Variants in RMND1 observed in about 807,000 individuals in gnomAD.
RMND1 encodes the protein required for meiotic nuclear division protein 1 homolog.
A neutral mutation model predicts 54.0 loss-of-function variants in RMND1; 41 were observed. That is an observed-to-expected ratio of 0.76 (90% CI 0.59 to 0.98). The LOEUF is 0.98. RMND1 is among the 50% of genes least tolerant of loss of function. The pLI is 0.00. For synonymous variants in RMND1, 183 were observed against 181.7 expected (o/e 1.01, Z -0.06); for missense variants, 457 against 532.0 (o/e 0.86, Z 1.39).
At chr6:151,433,292 C>A in intron 3 of RMND1, 62 bp from the exon 4 acceptor site, 1 of 1,003,602 alleles carries the variant, frequency 1.0e-6, no homozygotes, top group East Asian at 2.4e-5. Flanking sequence ...GTAAGAGTCA[C>A]CTATAAACAC....
intron 10 of RMND1, chr6:151,413,713 T>C (rs1388847166): frequency 1.3e-5 from 2 of 152,264 alleles, no homozygotes; most frequent in African/African-American, 2.4e-5. Context: ...GTGCTTTTCA[T>C]GTTTGACCAG....
intron 1 of RMND1, among the ~76,000 whole-genome samples, chr6:151,447,255 A>G (rs1393590670): frequency 1.3e-5 from 2 of 152,118 alleles, no homozygotes; most frequent in Admixed American, 1.3e-4. Context: ...AGTCATCCTA[A>G]AAAGTTTCTA....
chr6:151,405,266 A>G lies in RMND1; in HGVS notation c.1319T>C (p.Val440Ala). 1 of 1,612,474 alleles carries G rather than the reference A, an allele frequency of 6.2e-7. No homozygotes were observed. Among genetic ancestry groups the G allele is most frequent in the Non-Finnish European group, 8.5e-7 (1 of 1,178,622 alleles). ...WMIVILITIEVMFELGRVFF is the reference protein window; with the variant it reads ...WMIVILITIEAMFELGRVFF ...AAATACTCGTCCCAGCTCAAACATT[A>G]CCTTAGAATAGAAAGTGAGAATTAT... Residue 440 changes from valine to alanine, a missense_variant and splice_region_variant, in exon 12 of 12, where the codon GTA becomes GCA. Val to Ala is a moderately conservative substitution (Grantham distance 64). Coordinates refer to ENST00000444024, the MANE Select transcript of RMND1 (RefSeq NM_017909.4).
chr6:151,406,181 C>T (rs1326424300), intron 10 of RMND1, among the ~76,000 whole-genome samples: 2 of 152,160 alleles, frequency 1.3e-5, no homozygotes, highest in South Asian at 4.1e-4. Flanking sequence ...AGATAATTTA[C>T]TTTCTACTAG....
At position 151,423,607 on chromosome 6, in the gene RMND1, C is replaced by T. The variant is rs576420475; in HGVS notation, c.855G>A (p.Gly285=). ...CCAGCTCTGAATTTAACTTGATTTC[C>T]CCCCTGTGAAGTTTTGACTGTCCCC... ...KIEGQSKLHR[G]EIKLNSELDL... is the part of the protein sequence containing the mutation. The change falls in exon 7 of 12, where the codon GGG becomes GGA. Residue 285 remains glycine, a synonymous_variant. Transcript: ENST00000444024. 1 of 1,613,550 alleles carries T rather than the reference C, an allele frequency of 6.2e-7. No homozygotes were observed. The highest frequency in any genetic ancestry group is 8.5e-7 in the Non-Finnish European group (1 of 1,179,704).
chr6:151,442,041 T>C (rs1414925219), intron 2 of RMND1, among the ~76,000 whole-genome samples: 1 of 152,120 alleles, frequency 6.6e-6, no homozygotes, highest in African/African-American at 2.4e-5. Context: ...GTCTGGAGAA[T>C]TGGAGAACTG....
At chr6:151,408,970 C>A (rs1779717822) in intron 10 of RMND1, 1 of 152,288 alleles carries the variant, frequency 6.6e-6, no homozygotes, top group Non-Finnish European at 1.5e-5. Flanking sequence ...GCTAGAATAT[C>A]TGAACTTCAT....
intron 10 of RMND1, chr6:151,414,071 T>G (rs889096230): frequency 1.3e-5 from 2 of 152,172 alleles, no homozygotes; most frequent in Non-Finnish European, 2.9e-5. Flanking sequence ...TCATGTATTT[T>G]TTATTTTTAT....
At chr6:151,450,790 T>G (rs576850312) in intron 1 of RMND1, among the ~76,000 whole-genome samples, 13 of 152,144 alleles carry the variant, frequency 8.5e-5, no homozygotes, top group East Asian at 3.9e-4. Flanking sequence ...GATTGAGAAA[T>G]CGGATGGTTG....
At chr6:151,442,883 C>G (rs200689296) in intron 2 of RMND1, among the ~76,000 whole-genome samples, 1 of 152,028 alleles carries the variant, frequency 6.6e-6, no homozygotes, top group South Asian at 2.1e-4. Flanking sequence ...GGTTGAGTAT[C>G]TCAGATTATG....
intron 11 of RMND1, 63 bp from the exon 12 acceptor site, chr6:151,405,330 T>C: frequency 7.0e-7 from 1 of 1,430,834 alleles, no homozygotes; most frequent in Non-Finnish European, 9.8e-7. Flanking sequence ...CTAAAATGAC[T>C]TCCAAGATTG....
intron 7 of RMND1, 35 bp downstream of exon 7, chr6:151,423,490 T>C (rs988538203): frequency 6.0e-6 from 8 of 1,328,916 alleles, no homozygotes; most frequent in Non-Finnish European, 8.7e-6. Flanking sequence ...AAATGACAAC[T>C]GTAGTACCCT....
At chr6:151,405,587 TAG>T (rs1345037583) in intron 11 of RMND1, 131 bp downstream of exon 11, 2 of 623,912 alleles carry the variant, frequency 3.2e-6, no homozygotes, top group African/African-American at 1.8e-5. Context: ...AACTTCCAAA[TAG>T]AGTTAGTAAT....
intron 1 of RMND1, among the ~76,000 whole-genome samples, chr6:151,449,197 T>C (rs1781053681): frequency 6.6e-6 from 1 of 150,906 alleles, no homozygotes; most frequent in Non-Finnish European, 1.5e-5. Flanking sequence ...TGAAACCTCG[T>C]CTCTACTAAA....
At chr6:151,451,216 A>T (rs1462966094) in intron 1 of RMND1, among the ~76,000 whole-genome samples, 2 of 151,820 alleles carry the variant, frequency 1.3e-5, no homozygotes, top group African/African-American at 4.8e-5. Context: ...AAAAAAAAAA[A>T]AAACACAACC....
At position 151,411,685 on chromosome 6, in the gene RMND1, C is replaced by T. The variant is rs901693129; in HGVS notation, c.1200+5594G>A. On this transcript the variant is annotated intron_variant, in intron 10 of 11. Transcript: ENST00000444024. ...AGGATGGACAGATAAAAAATGCCAC[C>T]CAGGTAAAAGATCAGATCATTAAAT... The T allele has an allele frequency of 2.0e-5, 3 of 152,162 alleles. No individual in the cohort carries two copies. In the East Asian group the frequency reaches 5.8e-4, roughly 29 times the overall value. The allele number at this position is 152,162 out of a possible 1,614,324, so 9.4% of individuals were successfully genotyped here. A position where few individuals can be genotyped will look rare whatever the true frequency, so the allele number is the denominator to read the frequency against.
At chr6:151,449,810 G>C (rs1781080151) in intron 1 of RMND1, among the ~76,000 whole-genome samples, 1 of 152,228 alleles carries the variant, frequency 6.6e-6, no homozygotes, top group Non-Finnish European at 1.5e-5. Flanking sequence ...CGCCACGCCT[G>C]ACTGGTTTTC....
At chr6:151,438,843 A>G (rs1379542954) in intron 2 of RMND1, among the ~76,000 whole-genome samples, 1 of 151,764 alleles carries the variant, frequency 6.6e-6, no homozygotes, top group Non-Finnish European at 1.5e-5. Flanking sequence ...GCAAGGCCCA[A>G]TGACTCACGT....
chr6:151,438,436 G>A (rs762848551), intron 2 of RMND1, among the ~76,000 whole-genome samples: 3 of 152,216 alleles, frequency 2.0e-5, no homozygotes, highest in Non-Finnish European at 2.9e-5. Flanking sequence ...CAGGTCACAA[G>A]CTAGTCCACT....
Sources: gnomAD v4.1 joint callset for allele counts (sites outside exome capture counted in the v4.1 genomes callset) on GRCh38, gnomAD v4.1.1 for gene constraint, MANE v1.5 for transcripts, NCBI Gene and HGNC (gene_info 2026-07-23, HGNC 2026-07-21) for gene names.